DAB1: variants seen among roughly 807,000 people sequenced by gnomAD.
The protein encoded by DAB1 is disabled homolog 1.
In DAB1, 15 loss-of-function variants were observed where a neutral mutation model predicts 64.6. The ratio of observed to expected loss-of-function variants is 0.23; its 90% CI spans 0.16 to 0.36. DAB1 has a LOEUF of 0.36. Among genes scored for constraint, DAB1 ranks in the 10% least tolerant of loss-of-function variants. The probability of loss-of-function intolerance (pLI) is 1.00; values close to 1 mark genes in which losing one functional copy is unlikely to be tolerated. For missense variants in DAB1, 596 were observed against 706.7 expected (o/e 0.84, Z 1.78); for synonymous variants, 235 against 251.9 (o/e 0.93, Z 0.64).
intron 6 of DAB1, among the ~76,000 whole-genome samples, chr1:57,809,929 T>C (rs1215374368): frequency 2.0e-5 from 3 of 152,142 alleles, no homozygotes; most frequent in Non-Finnish European, 4.4e-5. Context: ...CATCTGACCC[T>C]GAAGGTCCAG....
intron 14 of DAB1, among the ~76,000 whole-genome samples, chr1:57,009,452 A>G (rs1328555657): frequency 2.6e-5 from 4 of 152,230 alleles, no homozygotes; most frequent in Non-Finnish European, 5.9e-5. Context: ...CTTTAATAAA[A>G]ATACCTGTTA....
chr1:58,196,574 A>G (rs185673023), intron 4 of DAB1, among the ~76,000 whole-genome samples: 1 of 152,194 alleles, frequency 6.6e-6, no homozygotes, highest in Non-Finnish European at 1.5e-5. Flanking sequence ...TTTACAAAGG[A>G]AAGAGACTTA....
intron 1 of DAB1, among the ~76,000 whole-genome samples, chr1:57,309,440 TA>T (rs1434437827): frequency 6.6e-6 from 1 of 152,222 alleles, no homozygotes; most frequent in Non-Finnish European, 1.5e-5. Flanking sequence ...TCAAAAAGCA[TA>T]AAAGTGTCTT....
intron 3 of DAB1, among the ~76,000 whole-genome samples, chr1:58,406,548 G>A (rs902200356): frequency 2.6e-5 from 4 of 152,198 alleles, no homozygotes; most frequent in African/African-American, 9.7e-5. Flanking sequence ...GTTGTAAGAG[G>A]AGGATGGGAT....
intron 5 of DAB1, among the ~76,000 whole-genome samples, chr1:58,124,943 C>A (rs1652974036): frequency 6.6e-6 from 1 of 152,100 alleles, no homozygotes; most frequent in African/African-American, 2.4e-5. Flanking sequence ...GTTAACAGAT[C>A]TGGTTCTAGA....
chr1:57,043,929 C>T (rs1354893639), intron 9 of DAB1, among the ~76,000 whole-genome samples: 3 of 152,184 alleles, frequency 2.0e-5, no homozygotes, highest in African/African-American at 7.2e-5. Context: ...ACAAAACCAT[C>T]CACACTTGGG....
intron 2 of DAB1, among the ~76,000 whole-genome samples, chr1:57,277,967 G>A (rs1671601208): frequency 2.6e-5 from 4 of 152,200 alleles, no homozygotes; most frequent in Admixed American, 2.6e-4. Flanking sequence ...AAAGACTCAA[G>A]TGATGATAGT....
intron 6 of DAB1, among the ~76,000 whole-genome samples, chr1:57,723,884 G>C (rs1647178469): frequency 6.6e-6 from 1 of 152,030 alleles, no homozygotes; most frequent in Non-Finnish European, 1.5e-5. Context: ...AAACTATTGT[G>C]GGCTTCATTC....
In DAB1 at chr1:58,379,013, A is replaced by G. The variant is rs538883751; in HGVS notation, n.258-35610T>C. Among the ~76,000 whole-genome samples the G allele has an allele frequency of 8.8e-4, 133 of 150,330 alleles. 1 individual carries two copies. The highest frequency in any genetic ancestry group is 3.1e-3 in the African/African-American group (126 of 40,478). On this transcript the variant is annotated intron_variant and non_coding_transcript_variant, in intron 3 of 20. Coordinates refer to the DAB1 transcript ENST00000485760. ...CCTGACCCCTTGCGCTTCCCAGGTG[A>G]GGCAATGCCTCGCCCTGCTTCGGCT...
chr1:58,247,233 G>C (rs770569000), intron 4 of DAB1, among the ~76,000 whole-genome samples: 3 of 148,964 alleles, frequency 2.0e-5, no homozygotes, highest in Non-Finnish European at 4.4e-5. Flanking sequence ...TGGCATGTAA[G>C]GGTGTTTACT....
intron 6 of DAB1, among the ~76,000 whole-genome samples, chr1:57,676,100 A>G (rs367643628): frequency 7.2e-5 from 11 of 152,300 alleles, no homozygotes; most frequent in African/African-American, 2.6e-4. Context: ...AGCTCATTAT[A>G]TGGGGAGACA....
chr1:58,367,731 A>G (rs1644229531), intron 3 of DAB1, among the ~76,000 whole-genome samples: 1 of 152,164 alleles, frequency 6.6e-6, no homozygotes, highest in African/African-American at 2.4e-5. Flanking sequence ...GACATCCTCC[A>G]TAATGTGATC....
chr1:57,117,729 C>T (rs1656266655), intron 4 of DAB1, among the ~76,000 whole-genome samples: 1 of 152,200 alleles, frequency 6.6e-6, no homozygotes, highest in African/African-American at 2.4e-5. Flanking sequence ...CTTCTCCACT[C>T]ATCTTTTATT....
chr1:58,070,720 C>T (rs1220317709), intron 5 of DAB1, among the ~76,000 whole-genome samples: 1 of 152,142 alleles, frequency 6.6e-6, no homozygotes, highest in Non-Finnish European at 1.5e-5. Context: ...CATCAGGATG[C>T]TGAATCCGCA....
intron 4 of DAB1, among the ~76,000 whole-genome samples, chr1:58,230,608 A>G (rs976769199): frequency 4.6e-5 from 7 of 152,256 alleles, no homozygotes; most frequent in Admixed American, 6.5e-5. Context: ...CCTTAGAAGT[A>G]GAAGCCCCTG....
At chr1:57,056,169 A>G (rs1649733126) in intron 9 of DAB1, among the ~76,000 whole-genome samples, 1 of 152,044 alleles carries the variant, frequency 6.6e-6, no homozygotes. Context: ...CATATTTTGA[A>G]CCATTAGAAA....
chr1:57,156,244 T>C (rs183527124), intron 2 of DAB1, among the ~76,000 whole-genome samples: 168 of 152,288 alleles, frequency 1.1e-3, no homozygotes, highest in African/African-American at 3.9e-3. Context: ...TGAAAAATGT[T>C]ATCCTCTTCC....
intron 4 of DAB1, among the ~76,000 whole-genome samples, chr1:58,180,534 A>G (rs568501859): frequency 3.3e-5 from 5 of 151,926 alleles, no homozygotes; most frequent in African/African-American, 1.2e-4. Flanking sequence ...AGCTCAAGCA[A>G]TCCTCTCACC....
chr1:58,187,475 GA>G (rs1378011440), intron 4 of DAB1, among the ~76,000 whole-genome samples: 7 of 148,468 alleles, frequency 4.7e-5, no homozygotes, highest in Non-Finnish European at 9.0e-5. Context: ...GACCCTGTCT[GA>G]AAAAAAAAGA....
Sources: allele counts gnomAD v4.1 joint callset (sites outside exome capture counted in the v4.1 genomes callset), GRCh38; gene constraint gnomAD v4.1.1; transcripts MANE v1.5; gene names NCBI Gene and HGNC (gene_info 2026-07-23, HGNC 2026-07-21).